The following PKD1L1 variants were observed in gnomAD, a reference collection of about 807,000 sequenced individuals.
PKD1L1 encodes polycystin-1-like protein 1.
In PKD1L1, 236 loss-of-function variants were observed where a neutral mutation model predicts 323.4. That is an observed-to-expected ratio of 0.73 (90% CI 0.66 to 0.81). PKD1L1 has a LOEUF of 0.81. PKD1L1 is among the 40% of genes least tolerant of loss of function. The probability of loss-of-function intolerance (pLI) is 0.00; values close to 1 mark genes in which losing one functional copy is unlikely to be tolerated. For missense variants in PKD1L1, 3,320 were observed against 3,508.0 expected (o/e 0.95, Z 1.35); for synonymous variants, 1,344 against 1,335.0 (o/e 1.01, Z -0.15).
chr7:47,899,881 G>A (rs1159161441), intron 13 of PKD1L1, among the ~76,000 whole-genome samples: 3 of 145,622 alleles, frequency 2.1e-5, no homozygotes, highest in East Asian at 4.3e-4. Context: ...GTGTGAACCC[G>A]GGAGGCGGAG....
At chr7:47,930,988 C>T (rs531901068) in intron 6 of PKD1L1, 116 bp downstream of exon 6, 63 of 1,091,814 alleles carry the variant, frequency 5.8e-5, no homozygotes, top group Admixed American at 1.3e-4. Flanking sequence ...GACTCAACTG[C>T]AACTATAATT....
intron 19 of PKD1L1, among the ~76,000 whole-genome samples, chr7:47,883,240 G>A (rs77689231): frequency 0.042 from 6,325 of 152,286 alleles, 315 homozygotes; most frequent in African/African-American, 0.12. Context: ...TAAGGAGACA[G>A]TGCTTCTCTT....
intron 13 of PKD1L1, among the ~76,000 whole-genome samples, chr7:47,899,416 TG>T (rs66614954): frequency 0.28 from 41,877 of 151,986 alleles, 6,295 homozygotes; most frequent in East Asian, 0.35. Context: ...GATGAGGATA[TG>T]GGGGGGAATA....
At chr7:47,908,423 G>A (rs1472483632) in intron 8 of PKD1L1, among the ~76,000 whole-genome samples, 173 bp from the exon 9 acceptor site, 1 of 152,226 alleles carries the variant, frequency 6.6e-6, no homozygotes, top group Non-Finnish European at 1.5e-5. Context: ...GACCCATACA[G>A]TTGCACAGAG....
At chr7:47,880,280 A>ATTTTTTTTTTTTTTTTTTTTT (rs1380647150) in intron 21 of PKD1L1, among the ~76,000 whole-genome samples, 1 of 71,590 alleles carries the variant, frequency 1.4e-5, no homozygotes, top group Non-Finnish European at 2.5e-5. Flanking sequence ...ATATATATAT[A>ATTTTTTTTTTTTTTTTTTTTT]TATATTTTTT....
At chr7:47,815,514 G>A (rs1353908811) in intron 46 of PKD1L1, 57 bp from the exon 47 acceptor site, 31 of 1,569,100 alleles carry the variant, frequency 2.0e-5, no homozygotes, top group South Asian at 6.9e-5. Flanking sequence ...ACAATGAAAC[G>A]TGAGAACAAA....
chr7:47,835,223 G>A lies in PKD1L1; in HGVS notation c.5964C>T (p.Pro1988=), dbSNP rs1035299105. 6.3e-7 allele frequency: 1 copy of A among 1,588,956 alleles called. No individual in the cohort carries two copies. Among genetic ancestry groups the A allele is most frequent in the African/African-American group, 1.4e-5 (1 of 73,268 alleles). The change falls in exon 38 of 57, where the codon CCC becomes CCT. Residue 1988 remains proline, a synonymous_variant. Transcript: ENST00000289672. ...GQEQPHLDVS[P]TLGSFRVGLL... The stretch of plus-strand genomic sequence containing the variant: ...GACCCACCCTGAAGGATCCAAGGGT[G>A]GGGCTGACGTCCAAGTGGGGCTGCA...
intron 7 of PKD1L1, among the ~76,000 whole-genome samples, chr7:47,928,665 C>A (rs973108225): frequency 6.6e-6 from 1 of 152,168 alleles, no homozygotes; most frequent in Non-Finnish European, 1.5e-5. Flanking sequence ...TCACCCTCCA[C>A]CCCCAATCAT....
the PKD1L1 span, among the ~76,000 whole-genome samples, chr7:47,959,897 T>C: frequency 6.6e-5 from 10 of 151,278 alleles, no homozygotes; most frequent in African/African-American, 2.2e-4. Context: ...GAACGGGCCA[T>C]GATGACAATG....
chr7:47,893,897 C>G lies in PKD1L1; in HGVS notation c.2434G>C (p.Asp812His), dbSNP rs17131915. 2.5e-6 allele frequency: 4 copies of G among 1,613,578 alleles called. No homozygotes were observed. In the East Asian group the frequency reaches 6.7e-5, roughly 27 times the overall value. ...LRGTQSFDPDDPGATLRYHWE... is the reference protein window; with the variant it reads ...LRGTQSFDPDHPGATLRYHWE... The stretch of plus-strand genomic sequence containing the variant: ...GCTCACCTGAGAGTCGCCCCAGGGT[C>G]GTCAGGGTCGAAGGACTGGGTCCCT... The change falls in exon 15 of 57, where the codon GAC (aspartate) becomes CAC (histidine). Residue 812 changes from aspartate (D) to histidine (H), a missense_variant. Coordinates refer to ENST00000289672, the MANE Select transcript of PKD1L1 (RefSeq NM_138295.5).
chr7:47,793,036 T>A (rs1323224471), intron 55 of PKD1L1, among the ~76,000 whole-genome samples: 1 of 138,970 alleles, frequency 7.2e-6, no homozygotes, highest in Non-Finnish European at 1.6e-5. Context: ...CTACAGTTAA[T>A]AATGCCTACA....
chr7:47,952,855 T>C (rs948705945), upstream of PKD1L1, among the ~76,000 whole-genome samples: 1 of 152,172 alleles, frequency 6.6e-6, no homozygotes, highest in Non-Finnish European at 1.5e-5. Context: ...TTATATAAAA[T>C]CCTCAATAAT....
chr7:47,873,022 A>G (rs146252089), intron 24 of PKD1L1, among the ~76,000 whole-genome samples: 5 of 152,360 alleles, frequency 3.3e-5, no homozygotes, highest in Non-Finnish European at 1.5e-5. Context: ...TACATAGATG[A>G]AACTCAAAAA....
chr7:47,829,786 A>G (rs968113159), intron 43 of PKD1L1, among the ~76,000 whole-genome samples, 185 bp from the exon 44 acceptor site: 2 of 152,158 alleles, frequency 1.3e-5, no homozygotes, highest in African/African-American at 4.8e-5. Context: ...AAGAGACCTA[A>G]ATTCTCTGAG....
intron 46 of PKD1L1, chr7:47,817,914 T>G: frequency 1.3e-6 from 1 of 793,662 alleles, no homozygotes; most frequent in Non-Finnish European, 1.8e-6. Context: ...GTCTAGTGAA[T>G]TAATTTATCT....
intron 26 of PKD1L1, among the ~76,000 whole-genome samples, chr7:47,864,576 TTTTCTTTC>T (rs199500886): frequency 0.053 from 5,703 of 107,512 alleles, 159 homozygotes; most frequent in East Asian, 0.065. Flanking sequence ...TTTTTCTTTC[TTTTCTTTC>T]TTTCTTTCTT....
At chr7:47,905,693 A>G in intron 10 of PKD1L1, 150 bp downstream of exon 10, 1 of 1,128,224 alleles carries the variant, frequency 8.9e-7, no homozygotes, top group South Asian at 1.5e-5. Context: ...CCCAGAACAA[A>G]TGGCAGATGA....
rs201467275 is a variant in PKD1L1 at position 47,835,250 on chromosome 7, C to G, written c.5944-7G>C. On this transcript the variant is annotated splice_region_variant and splice_polypyrimidine_tract_variant and intron_variant, in intron 37 of 56. Coordinates refer to ENST00000289672, the MANE Select transcript of PKD1L1 (RefSeq NM_138295.5). ...GGCTGACGTCCAAGTGGGGCTGCAACAAAGCAACAGCAGCCATTACATCAA... is the reference window on the plus strand; with the variant it reads ...GGCTGACGTCCAAGTGGGGCTGCAAGAAAGCAACAGCAGCCATTACATCAA... 1.3e-6 allele frequency: 2 copies of G among 1,565,688 alleles called. No homozygotes were observed. The highest frequency in any genetic ancestry group is 8.6e-7 in the Non-Finnish European group (1 of 1,157,674).
At chr7:47,876,549 C>T (rs1786407289) in intron 22 of PKD1L1, among the ~76,000 whole-genome samples, 1 of 152,182 alleles carries the variant, frequency 6.6e-6, no homozygotes, top group Non-Finnish European at 1.5e-5. Context: ...CCCTCAGCTT[C>T]CACACTGCTG....
Sources: gnomAD v4.1 joint callset for allele counts (sites outside exome capture counted in the v4.1 genomes callset) on GRCh38, gnomAD v4.1.1 for gene constraint, MANE v1.5 for transcripts, NCBI Gene and HGNC (gene_info 2026-07-23, HGNC 2026-07-21) for gene names.